Variants in BMPER observed in about 807,000 individuals in gnomAD.
BMPER encodes the protein BMP binding endothelial regulator.
A neutral mutation model predicts 87.3 loss-of-function variants in BMPER; 45 were observed. That is an observed-to-expected ratio of 0.52 (90% CI 0.41 to 0.66). The LOEUF (loss-of-function observed/expected upper bound fraction) is 0.66, where lower values mean the gene tolerates loss of function less well. Among genes scored for constraint, BMPER ranks in the 30% least tolerant of loss-of-function variants. The pLI is 0.00. For missense variants in BMPER, 784 were observed against 867.5 expected, an observed-to-expected ratio of 0.90 and a Z score of 1.21; for synonymous variants, 326 against 316.2, an observed-to-expected ratio of 1.03 and a Z score of -0.33.
In BMPER at chr7:34,153,360, C is replaced by A; in HGVS notation, c.*87C>A. The stretch of plus-strand genomic sequence containing the variant: ...AATGAAGGACTGCAGTATTTGTGTG[C>A]CCGATTCTGTAAACACACACACACA... On this transcript the variant is annotated 3_prime_UTR_variant, in exon 15 of 15. Transcript: ENST00000649409. 1 of 1,391,782 alleles carries A rather than the reference C, an allele frequency of 7.2e-7. No homozygotes were observed. The highest frequency in any genetic ancestry group is 1.0e-6 in the Non-Finnish European group (1 of 982,406). 86.2% of individuals were successfully genotyped at this position (1,391,782 alleles called of 1,614,324 possible). A position where few individuals can be genotyped will look rare whatever the true frequency, so the allele number is the denominator to read the frequency against.
chr7:33,972,163 A>C (rs1562661028), intron 5 of BMPER, among the ~76,000 whole-genome samples: 1 of 152,144 alleles, frequency 6.6e-6, no homozygotes, highest in Admixed American at 6.5e-5. Flanking sequence ...TTGGCCTCCC[A>C]AAGTGCTGGG....
At chr7:34,101,843 A>C (rs572650182) in intron 13 of BMPER, among the ~76,000 whole-genome samples, 1 of 152,200 alleles carries the variant, frequency 6.6e-6, no homozygotes, top group Non-Finnish European at 1.5e-5. Context: ...GTGGAGAGTC[A>C]CAGCTCAGGG....
rs145580581 is a variant in BMPER, at chr7:34,095,397, C to T, written c.1745+9305C>T. 6.8e-3 allele frequency among the ~76,000 whole-genome samples: 1,030 copies of T among 152,166 alleles called. 20 individuals carry two copies. The highest frequency in any genetic ancestry group is 0.023 in the African/African-American group (967 of 41,508). On this transcript the variant is annotated intron_variant, in intron 13 of 14. Transcript: ENST00000649409. ...TGTGATAATTCAAAGTTAATGTTGG[C>T]GTGTCAGTTGCAGTTAGGACCACCT...
chr7:33,952,600 A>G (rs868734459), intron 3 of BMPER, among the ~76,000 whole-genome samples: 1 of 152,192 alleles, frequency 6.6e-6, no homozygotes, highest in Non-Finnish European at 1.5e-5. Context: ...AGCAACTCTG[A>G]AACTGAAAGT....
chr7:34,129,602 G>GAGAA (rs1554322660), intron 13 of BMPER, among the ~76,000 whole-genome samples: 1,909 of 92,312 alleles, frequency 0.021, 54 homozygotes, highest in Middle Eastern at 0.049. Flanking sequence ...GAGAGAGAGA[G>GAGAA]AGAGAGAAAG....
intron 6 of BMPER, among the ~76,000 whole-genome samples, chr7:33,988,075 ACT>A (rs1355194529): frequency 2.0e-5 from 3 of 152,088 alleles, no homozygotes; most frequent in Non-Finnish European, 2.9e-5. Context: ...ATGAAAAATT[ACT>A]CTCACTACAT....
In BMPER at chr7:33,983,353, G is replaced by C. The variant is rs115430235; in HGVS notation, c.576+8569G>C. On this transcript the variant is annotated intron_variant, in intron 6 of 14. Coordinates refer to ENST00000649409, the MANE Select transcript of BMPER (RefSeq NM_001365308.1). ...CAGGGAGACATTGACTTCATATTGA[G>C]CACAACAGGGAAAAAAGTTGGAAAA... Among the ~76,000 whole-genome samples the C allele has an allele frequency of 3.2e-3, 481 of 152,176 alleles. 3 individuals are homozygous for C. The highest frequency in any genetic ancestry group is 0.011 in the African/African-American group (458 of 41,502).
chr7:33,945,661 A>G (rs1278473011), intron 3 of BMPER, among the ~76,000 whole-genome samples: 1 of 152,070 alleles, frequency 6.6e-6, no homozygotes, highest in Non-Finnish European at 1.5e-5. Flanking sequence ...GTGAGGTGTG[A>G]TTATCTGGTT....
chr7:34,017,262 T>C (rs978447286), intron 6 of BMPER, among the ~76,000 whole-genome samples: 2 of 151,904 alleles, frequency 1.3e-5, no homozygotes, highest in African/African-American at 2.4e-5. Flanking sequence ...TGGTCTGTTA[T>C]GAATCACGAT....
At chr7:33,944,308 G>A (rs559677028) in intron 3 of BMPER, among the ~76,000 whole-genome samples, 27 of 152,152 alleles carry the variant, frequency 1.8e-4, no homozygotes, top group African/African-American at 6.5e-4. Flanking sequence ...TGGGATTACA[G>A]GTGTGTGCCA....
At chr7:34,023,680 A>T (rs963782140) in intron 6 of BMPER, among the ~76,000 whole-genome samples, 5 of 152,124 alleles carry the variant, frequency 3.3e-5, no homozygotes, top group Admixed American at 3.3e-4. Flanking sequence ...AAGAGAAAGT[A>T]CAGGAGTTTC....
intron 3 of BMPER, among the ~76,000 whole-genome samples, chr7:33,947,417 C>A (rs751235655): frequency 6.6e-6 from 1 of 152,078 alleles, no homozygotes; most frequent in Non-Finnish European, 1.5e-5. Flanking sequence ...AAAAGTCTTT[C>A]ATTTGTCAAG....
chr7:33,955,327 A>G (rs998276886), intron 3 of BMPER, among the ~76,000 whole-genome samples: 1 of 152,230 alleles, frequency 6.6e-6, no homozygotes, highest in Non-Finnish European at 1.5e-5. Flanking sequence ...GCAGCCACAC[A>G]GACTTCCAGA....
chr7:33,973,811 T>C (rs1785609971), intron 5 of BMPER, among the ~76,000 whole-genome samples: 1 of 152,166 alleles, frequency 6.6e-6, no homozygotes. Context: ...CTGAGGAATG[T>C]GGCTTTGCTG....
At chr7:33,914,858 A>G (rs1784051511) in intron 2 of BMPER, among the ~76,000 whole-genome samples, 1 of 152,216 alleles carries the variant, frequency 6.6e-6, no homozygotes, top group Non-Finnish European at 1.5e-5. Flanking sequence ...TGAAGAAGAC[A>G]AAGACTAGTG....
chr7:34,109,906 T>C (rs1052039654), intron 13 of BMPER, among the ~76,000 whole-genome samples: 2 of 152,198 alleles, frequency 1.3e-5, no homozygotes, highest in Non-Finnish European at 2.9e-5. Context: ...CCTTGCAAAA[T>C]CTCTTTCCCC....
At chr7:33,921,654 CT>C (rs1418628910) in intron 2 of BMPER, 1 of 444,252 alleles carries the variant, frequency 2.3e-6, no homozygotes, top group Non-Finnish European at 4.7e-6. Flanking sequence ...ACCCGCTGGG[CT>C]GCTGCCAGTC....
At chr7:33,905,491 C>A (rs1369569630), upstream of BMPER, 7 of 1,395,088 alleles carry the variant, frequency 5.0e-6, no homozygotes, top group Non-Finnish European at 6.7e-6. Flanking sequence ...GCGCCCGCCT[C>A]CCTCCTTCGC....
chr7:34,001,861 G>A (rs951953177), intron 6 of BMPER, among the ~76,000 whole-genome samples: 2 of 151,384 alleles, frequency 1.3e-5, no homozygotes, highest in South Asian at 4.2e-4. Flanking sequence ...TCCCATAAGT[G>A]TTTTTATTTT....
Sources: allele counts gnomAD v4.1 joint callset (sites outside exome capture counted in the v4.1 genomes callset), GRCh38; gene constraint gnomAD v4.1.1; transcripts MANE v1.5; gene names NCBI Gene and HGNC (gene_info 2026-07-23, HGNC 2026-07-21).